PHC3: variants seen among roughly 807,000 people sequenced by gnomAD.
PHC3 encodes polyhomeotic-like protein 3.
Under a neutral mutation model 107.4 loss-of-function variants are expected in PHC3, and 13 were observed. The observed-to-expected ratio is 0.12, with a 90% CI of 0.08 to 0.19. PHC3 has a LOEUF of 0.19. Among genes scored for constraint, PHC3 ranks in the 10% least tolerant of loss-of-function variants. PHC3 has a pLI of 1.00. For missense variants in PHC3, 992 were observed against 1,210.9 expected, an observed-to-expected ratio of 0.82 and a Z score of 2.68; for synonymous variants, 456 against 427.4, an observed-to-expected ratio of 1.07 and a Z score of -0.83.
In PHC3 at chr3:170,102,905, G is replaced by A. The variant is rs2108272384; in HGVS notation, c.2498C>T (p.Ala833Val). 1.2e-6 allele frequency: 2 copies of A among 1,613,156 alleles called. No homozygotes were observed. The highest frequency in any genetic ancestry group is 2.2e-5 in the East Asian group (1 of 44,832). ...AGGCTTACGATTCCAACGACTAAGTGCAAATTTTTTAGAACAGCTAACATT... is the reference window on the plus strand; with the variant it reads ...AGGCTTACGATTCCAACGACTAAGTACAAATTTTTTAGAACAGCTAACATT... The part of the protein sequence containing the change: ...RYNVSCSKKF[A>V]LSRWNRKPDN... The change falls in exon 13 of 15, where the codon GCA becomes GTA. Residue 833 changes from alanine to valine, a missense_variant. By Grantham distance (64) the Ala-to-Val change is moderately conservative. Around this residue, in one of 6 missense-constraint regions of PHC3, gnomAD observed 228 missense variants for 288.8 expected, o/e 0.79. Transcript: ENST00000495893.
intron 8 of PHC3, among the ~76,000 whole-genome samples, chr3:170,123,250 A>C (rs1031866244): frequency 6.6e-6 from 1 of 152,092 alleles, no homozygotes; most frequent in African/African-American, 2.4e-5. Flanking sequence ...CTGAGAATCT[A>C]CAAAAAAAGA....
In PHC3 at chr3:170,091,791, T is replaced by C. The variant is rs535376691; in HGVS notation, c.*5439A>G. 6.6e-6 allele frequency: 1 copy of C among 151,870 alleles called. No homozygotes were observed. The highest frequency in any genetic ancestry group is 1.5e-5 in the Non-Finnish European group (1 of 67,778). The allele number at this position is 151,870 out of a possible 1,614,324, so 9.4% of individuals were successfully genotyped here. A position where few individuals can be genotyped will look rare whatever the true frequency, so the allele number is the denominator to read the frequency against. On this transcript the variant is annotated 3_prime_UTR_variant, in exon 15 of 15. Coordinates refer to ENST00000495893, the MANE Select transcript of PHC3 (RefSeq NM_024947.4). Reference sequence around the variant, plus strand: ...GCTTTACAACTTTCAAAAAAAAGCTTTCTCATAGTACAATTTTAAAACGGA... The same window carrying C: ...GCTTTACAACTTTCAAAAAAAAGCTCTCTCATAGTACAATTTTAAAACGGA...
intron 5 of PHC3, 57 bp from the exon 6 acceptor site, chr3:170,145,578 C>G (rs1724805346): frequency 8.0e-7 from 1 of 1,245,196 alleles, no homozygotes; most frequent in African/African-American, 1.5e-5. Context: ...GTCCCACACA[C>G]AATGTGTAGC....
chr3:170,133,086 A>AT lies in PHC3; in HGVS notation c.919+3332dup, dbSNP rs1301755806. On this transcript the variant is annotated intron_variant, in intron 7 of 14. Coordinates refer to ENST00000495893, the MANE Select transcript of PHC3 (RefSeq NM_024947.4). The stretch of plus-strand genomic sequence containing the variant: ...CTATACTACATTAGAATACAAGTAG[A>AT]TTTTTTTACATTTAAAATGACTTGA... Among the ~76,000 whole-genome samples the AT allele has an allele frequency of 2.0e-5, 3 of 152,130 alleles. No individual in the cohort carries two copies. In the East Asian group the frequency reaches 5.8e-4, roughly 29 times the overall value.
At chr3:170,172,330 T>A (rs1023607682) in intron 3 of PHC3, among the ~76,000 whole-genome samples, 2 of 152,172 alleles carry the variant, frequency 1.3e-5, no homozygotes, top group South Asian at 2.1e-4. Context: ...ATTTCTTCAA[T>A]CTGGATAAAA....
intron 9 of PHC3, among the ~76,000 whole-genome samples, chr3:170,117,811 A>G (rs1719335350): frequency 6.6e-6 from 1 of 150,858 alleles, no homozygotes; most frequent in Admixed American, 6.6e-5. Context: ...CCTGGCCAAC[A>G]TGGTGAAACC....
intron 14 of PHC3, among the ~76,000 whole-genome samples, chr3:170,099,798 AT>A (rs1237242445): frequency 6.6e-6 from 1 of 152,244 alleles, no homozygotes; most frequent in African/African-American, 2.4e-5. Context: ...CCCAATACTG[AT>A]ATTACAAAAA....
At chr3:170,142,946 G>A (rs920077060) in intron 6 of PHC3, among the ~76,000 whole-genome samples, 1 of 152,176 alleles carries the variant, frequency 6.6e-6, no homozygotes, top group Non-Finnish European at 1.5e-5. Context: ...AGCCTAGGTA[G>A]GCAGATCACT....
At chr3:170,116,645 T>G (rs950428307) in intron 10 of PHC3, among the ~76,000 whole-genome samples, 1 of 151,852 alleles carries the variant, frequency 6.6e-6, no homozygotes, top group Non-Finnish European at 1.5e-5. Context: ...AAAGAAAAAA[T>G]GAGCCGAGCG....
In PHC3 at chr3:170,161,974, T is replaced by C. The variant is rs543789335; in HGVS notation, c.414+9399A>G. Among the ~76,000 whole-genome samples, 12 of 152,338 alleles carry C rather than the reference T, an allele frequency of 7.9e-5. No homozygotes were observed. The South Asian group carries it at 1.9e-3, about 24-fold the overall frequency. ...AATATGGGGGACATAATTCAGTCCA[T>C]AGCATCATTTCCTGAACTTTCTCTT... On this transcript the variant is annotated intron_variant, in intron 4 of 14. Transcript: ENST00000495893.
At chr3:170,170,625 T>C (rs933166534) in intron 4 of PHC3, 2 of 152,026 alleles carry the variant, frequency 1.3e-5, no homozygotes, top group Non-Finnish European at 2.9e-5. Flanking sequence ...TAAAGGAACA[T>C]ATCTCAACTT....
chr3:170,136,326 T>TCA lies in PHC3; in HGVS notation c.919+91_919+92dup, dbSNP rs775893406. On this transcript the variant is annotated intron_variant, in intron 7 of 14. Transcript: ENST00000495893. The stretch of plus-strand genomic sequence containing the variant: ...CACATTTTAAAATGTTTTAAAGGTG[T>TCA]CACTCCTGTTCAAGTCATGAACATC... 82 of 1,427,072 alleles carry TCA rather than the reference T, an allele frequency of 5.7e-5. No homozygotes were observed. In the East Asian group the frequency reaches 1.1e-3, roughly 19 times the overall value. The allele number at this position is 1,427,072 out of a possible 1,614,324, so 88.4% of individuals were successfully genotyped here.
chr3:170,129,077 T>C lies in PHC3; in HGVS notation c.1395A>G (p.Pro465=), dbSNP rs1347659445. 6.8e-6 allele frequency: 11 copies of C among 1,611,796 alleles called. No homozygotes were observed. In the South Asian group the frequency reaches 1.2e-4, roughly 18 times the overall value. Residue 465 remains proline (P), a synonymous_variant, in exon 8 of 15, where the codon CCA becomes CCG. Transcript: ENST00000495893. ...GGGAAGCTGGAAGTGGAAGATGGGA[T>C]GGAAGATTCAACTGTGCTGTAGCTT... ...QVQATAQLNL[P]SHLPLPASPV...
chr3:170,133,108 T>C (rs981709207), intron 7 of PHC3, among the ~76,000 whole-genome samples: 2 of 152,188 alleles, frequency 1.3e-5, no homozygotes, highest in African/African-American at 4.8e-5. Flanking sequence ...TTAAAATGAC[T>C]TGAAGGAACA....
At chr3:170,136,217 CTATTA>C in intron 7 of PHC3, 197 bp downstream of exon 7, 3 of 555,464 alleles carry the variant, frequency 5.4e-6, no homozygotes, top group Non-Finnish European at 6.0e-6. Context: ...TTTAAAAAAC[CTATTA>C]TATTGTTACA....
intron 11 of PHC3, among the ~76,000 whole-genome samples, chr3:170,111,988 G>C (rs996590964): frequency 5.3e-5 from 8 of 152,142 alleles, no homozygotes; most frequent in African/African-American, 1.9e-4. Context: ...ACAGGGCCTT[G>C]ACTATTCTAA....
intron 9 of PHC3, among the ~76,000 whole-genome samples, chr3:170,120,941 G>C (rs1177590778): frequency 6.6e-6 from 1 of 152,176 alleles, no homozygotes. Flanking sequence ...GTATTATTCA[G>C]ATCAGGGGTC....
chr3:170,106,682 A>C (rs1053428889), intron 12 of PHC3, 150 bp downstream of exon 12: 33 of 472,070 alleles, frequency 7.0e-5, no homozygotes, highest in African/African-American at 5.8e-4. Flanking sequence ...TATTTGTATT[A>C]TTCTTCTATA....
intron 4 of PHC3, among the ~76,000 whole-genome samples, chr3:170,149,508 G>C (rs957208692): frequency 6.6e-6 from 1 of 151,960 alleles, no homozygotes; most frequent in Non-Finnish European, 1.5e-5. Flanking sequence ...AGACTGGAGT[G>C]CAAGTGCGCG....
Sources: gnomAD v4.1 joint callset for allele counts (sites outside exome capture counted in the v4.1 genomes callset) on GRCh38, gnomAD v4.1.1 for gene constraint, gnomAD v4.1.1 regional missense constraint, MANE v1.5 for transcripts, NCBI Gene and HGNC (gene_info 2026-07-23, HGNC 2026-07-21) for gene names.